Variants in GOLM1 observed in about 807,000 individuals in gnomAD.
The protein encoded by GOLM1 is golgi membrane protein 1.
GOLM1 carries 31 observed loss-of-function variants against 50.5 expected under a neutral mutation model. The ratio of observed to expected loss-of-function variants is 0.61; its 90% CI spans 0.46 to 0.83. GOLM1 has a LOEUF of 0.83. Among genes scored for constraint, GOLM1 ranks in the 40% least tolerant of loss-of-function variants. GOLM1 has a pLI of 0.00. For missense variants in GOLM1, 491 were observed against 501.3 expected (o/e 0.98, Z 0.20); for synonymous variants, 178 against 192.8 (o/e 0.92, Z 0.64).
intron 1 of GOLM1, among the ~76,000 whole-genome samples, chr9:86,096,994 G>A (rs1469820334): frequency 6.6e-6 from 1 of 151,206 alleles, no homozygotes; most frequent in Non-Finnish European, 1.5e-5. Flanking sequence ...AGCAAGGGAA[G>A]TCCTACTAAT....
Position 86,081,553 on chromosome 9 carries a change from C to T in GOLM1, c.-21-2212G>A, listed in dbSNP as rs552543959. Among the ~76,000 whole-genome samples the T allele has an allele frequency of 6.6e-5, 10 of 152,114 alleles. 1 individual carries two copies. In the South Asian group the frequency reaches 2.1e-3, roughly 32 times the overall value. The stretch of plus-strand genomic sequence containing the variant: ...CAAGAGGGGGTGGCAGGGACTTTTC[C>T]AAATGGCTTTTGCTAAGGAAAAAAT... On this transcript the variant is annotated intron_variant, in intron 1 of 9. Transcript: ENST00000388712.
intron 3 of GOLM1, among the ~76,000 whole-genome samples, chr9:86,055,258 G>A (rs1318621753): frequency 2.6e-5 from 4 of 152,166 alleles, no homozygotes; most frequent in South Asian, 4.1e-4. Context: ...AAGATAATCC[G>A]AAGGGGTGTG....
At chr9:86,038,060 A>G (rs1001523816) in intron 6 of GOLM1, among the ~76,000 whole-genome samples, 1 of 151,960 alleles carries the variant, frequency 6.6e-6, no homozygotes, top group African/African-American at 2.4e-5. Context: ...AGGCTGAGGC[A>G]GGAGAATTGC....
Position 86,026,403 on chromosome 9 carries a change from C to T in GOLM1, c.*1414G>A, listed in dbSNP as rs919235292. On this transcript the variant is annotated 3_prime_UTR_variant, in exon 10 of 10. Coordinates refer to ENST00000388712, the MANE Select transcript of GOLM1 (RefSeq NM_016548.4). Reference sequence around the variant, plus strand: ...AGAATGTTTAAGTTGGAGGTGGCAACGTGAATTGCAAACAGGGCCTGCTTC... The same window carrying T: ...AGAATGTTTAAGTTGGAGGTGGCAATGTGAATTGCAAACAGGGCCTGCTTC... The T allele has an allele frequency of 6.1e-6, 6 of 985,150 alleles. No homozygotes were observed. The highest frequency in any genetic ancestry group is 3.5e-5 in the African/African-American group (2 of 57,182). The allele number at this position is 985,150 out of a possible 1,614,324, so 61.0% of individuals were successfully genotyped here.
intron 1 of GOLM1, among the ~76,000 whole-genome samples, chr9:86,091,925 A>C (rs1488964937): frequency 4.6e-5 from 7 of 152,234 alleles, no homozygotes; most frequent in African/African-American, 1.7e-4. Flanking sequence ...TGCTGTATTC[A>C]CATCAGGCAG....
Position 86,027,669 on chromosome 9 carries a change from C to G in GOLM1, c.*148G>C, listed in dbSNP as rs1203991608. The stretch of plus-strand genomic sequence containing the variant: ...TAAAAGACCATTCCATTTTTTCCTA[C>G]ACAAAGTGCATACTAAAATTTCACA... On this transcript the variant is annotated 3_prime_UTR_variant, in exon 10 of 10. Transcript: ENST00000388712. The G allele has an allele frequency of 7.1e-7, 1 of 1,410,694 alleles. No individual in the cohort carries two copies. Among genetic ancestry groups the G allele is most frequent in the Non-Finnish European group, 9.2e-7 (1 of 1,084,204 alleles). The allele number at this position is 1,410,694 out of a possible 1,614,324, so 87.4% of individuals were successfully genotyped here.
intron 1 of GOLM1, among the ~76,000 whole-genome samples, chr9:86,093,738 A>C (rs1835260413): frequency 6.6e-6 from 1 of 152,248 alleles, no homozygotes. Flanking sequence ...AAAGAAAGAA[A>C]AGGCATATGA....
At chr9:86,074,612 G>A (rs1320082382) in intron 3 of GOLM1, among the ~76,000 whole-genome samples, 4 of 152,182 alleles carry the variant, frequency 2.6e-5, no homozygotes, top group South Asian at 2.1e-4. Flanking sequence ...GCTCTCTAGG[G>A]TCTAGGTGTC....
intron 3 of GOLM1, among the ~76,000 whole-genome samples, chr9:86,054,273 T>TA (rs1021989501): frequency 1.3e-5 from 2 of 151,974 alleles, no homozygotes; most frequent in Non-Finnish European, 2.9e-5. Flanking sequence ...TTGACTTTTT[T>TA]TTTTTTTTTT....
intron 3 of GOLM1, among the ~76,000 whole-genome samples, chr9:86,071,050 TACAA>T (rs560271976): frequency 2.9e-3 from 433 of 147,508 alleles, no homozygotes; most frequent in Non-Finnish European, 5.0e-3. Flanking sequence ...TGTGATTCAG[TACAA>T]ACATTTACAC....
chr9:86,036,667 A>G lies in GOLM1; in HGVS notation c.598-160T>C. ...AGTCTACTCTGGTCACGCCCTGGTC[A>G]TGTGGCGTAAATCAGAAGACAAGAG... is the stretch of plus-strand genomic sequence containing the variant. On this transcript the variant is annotated intron_variant, in intron 6 of 9. Transcript: ENST00000388712. 4.5e-6 allele frequency: 3 copies of G among 672,806 alleles called. No individual in the cohort carries two copies. In the South Asian group the frequency reaches 6.1e-5, roughly 14 times the overall value. 41.7% of individuals were successfully genotyped at this position (672,806 alleles called of 1,614,324 possible). A position where few individuals can be genotyped will look rare whatever the true frequency, so the allele number is the denominator to read the frequency against.
intron 3 of GOLM1, among the ~76,000 whole-genome samples, chr9:86,077,068 C>G (rs1338710215): frequency 2.0e-5 from 3 of 151,884 alleles, no homozygotes; most frequent in Non-Finnish European, 4.4e-5. Flanking sequence ...GAGATATAAG[C>G]ACCTGGCATA....
Position 86,079,263 on chromosome 9 carries a change from C to T in GOLM1, c.58G>A (p.Ala20Thr), listed in dbSNP as rs764069710. Residue 20 changes from alanine (A) to threonine (T), a missense_variant, in exon 2 of 10, where the codon GCC (alanine) becomes ACC (threonine). By Grantham distance (58) the Ala-to-Thr change is moderately conservative (BLOSUM62 0). Transcript: ENST00000388712. ...AAGACGATGATGCAGGCCACCAGGG[C>T]GGCCAGCACGAGGGGCGGCGACTTC... ...SMKSPPLVLA[A>T]LVACIIVLGF... 3.9e-5 allele frequency: 63 copies of T among 1,610,332 alleles called. 1 individual carries two copies. The South Asian group carries it at 6.0e-4, about 15-fold the overall frequency.
chr9:86,027,939 T>TA (rs1832836840), intron 9 of GOLM1, 46 bp from the exon 10 acceptor site: 3 of 1,168,746 alleles, frequency 2.6e-6, no homozygotes. Flanking sequence ...TTAAATGAGA[T>TA]ACTAGCCCTA....
chr9:86,088,006 AAGGAATGGTACC>A (rs1587740960), intron 1 of GOLM1, among the ~76,000 whole-genome samples: 1 of 152,172 alleles, frequency 6.6e-6, no homozygotes, highest in Non-Finnish European at 1.5e-5. Context: ...ATAGTTTCAG[AAGGAATGGTACC>A]AGCTCCTCTT....
intron 3 of GOLM1, among the ~76,000 whole-genome samples, chr9:86,072,947 T>C (rs967460666): frequency 1.3e-5 from 2 of 152,288 alleles, no homozygotes; most frequent in Non-Finnish European, 2.9e-5. Flanking sequence ...ACAGTAAAAG[T>C]AGTAAGTATT....
chr9:86,033,156 G>C, intron 9 of GOLM1, 126 bp downstream of exon 9: 1 of 640,774 alleles, frequency 1.6e-6, no homozygotes. Context: ...CTAAAGAACA[G>C]ACGATCTCCT....
chr9:86,080,803 T>A (rs1834758553), intron 1 of GOLM1, among the ~76,000 whole-genome samples: 1 of 151,140 alleles, frequency 6.6e-6, no homozygotes, highest in Non-Finnish European at 1.5e-5. Context: ...TTCTTTCAAT[T>A]ATCAGCTGAT....
chr9:86,027,028 TGTTTG>T lies in GOLM1; in HGVS notation c.*784_*788del. On this transcript the variant is annotated 3_prime_UTR_variant, in exon 10 of 10. Coordinates refer to ENST00000388712, the MANE Select transcript of GOLM1 (RefSeq NM_016548.4). ...GCTCCAGGTCAGCCCCCTTTTGGCC[TGTTTG>T]TTTTGTCAAAAACCTAATCTGCTTC... 1 of 985,382 alleles carries T rather than the reference TGTTTG, an allele frequency of 1.0e-6. No individual in the cohort carries two copies. 61.0% of individuals were successfully genotyped at this position (985,382 alleles called of 1,614,324 possible). A position where few individuals can be genotyped will look rare whatever the true frequency, so the allele number is the denominator to read the frequency against.
Sources: gnomAD v4.1 joint callset for allele counts (sites outside exome capture counted in the v4.1 genomes callset) on GRCh38, gnomAD v4.1.1 for gene constraint, MANE v1.5 for transcripts, NCBI Gene and HGNC (gene_info 2026-07-23, HGNC 2026-07-21) for gene names.